HDAC8: variants seen among roughly 807,000 people sequenced by gnomAD.
HDAC8 encodes histone deacetylase 8.
In HDAC8, 1 loss-of-function variant was observed where a neutral mutation model predicts 32.2. The observed-to-expected ratio is 0.03, with a 90% CI of 0.01 to 0.15. HDAC8 has a LOEUF of 0.15. Among genes scored for constraint, HDAC8 ranks in the 10% least tolerant of loss-of-function variants. The pLI, the probability that HDAC8 is intolerant of heterozygous loss-of-function variation, is 1.00. For synonymous variants in HDAC8, 108 were observed against 113.9 expected, an observed-to-expected ratio of 0.95 and a Z score of 0.33; for missense variants, 117 against 300.0, an observed-to-expected ratio of 0.39 and a Z score of 4.51.
At chrX:72,376,144 A>G (rs1487910795) in intron 9 of HDAC8, among the ~76,000 whole-genome samples, 4 of 110,640 alleles carry the variant, frequency 3.6e-5, no homozygotes, top group African/African-American at 1.3e-4. Flanking sequence ...CCTGAGCTCA[A>G]GCGATCCTCA....
At chrX:72,425,102 T>C (rs2046600352) in intron 9 of HDAC8, among the ~76,000 whole-genome samples, 1 of 112,094 alleles carries the variant, frequency 8.9e-6, no homozygotes, top group African/African-American at 3.2e-5. Flanking sequence ...GGTAATTCTA[T>C]GTTTAACTTT....
chrX:72,495,330 C>CCAAGGTTAGATCTTTA (rs2048988571), intron 4 of HDAC8, 62 bp from the exon 5 acceptor site: 1 of 721,789 alleles, frequency 1.4e-6, no homozygotes. Context: ...GTCTTTACAG[C>CCAAGGTTAGATCTTTA]CAAGGATCTA....
chrX:72,331,338 A>C (rs1335508158), intron 10 of HDAC8, among the ~76,000 whole-genome samples: 1 of 111,443 alleles, frequency 9.0e-6, no homozygotes, highest in Non-Finnish European at 1.9e-5. Context: ...GACAGAGAGG[A>C]GTTCCATAAC....
chrX:72,513,181 T>G (rs1603135999), intron 4 of HDAC8, among the ~76,000 whole-genome samples: 2 of 112,078 alleles, frequency 1.8e-5, no homozygotes, highest in Admixed American at 1.9e-4. Context: ...ACCATAGTAC[T>G]TCTCAAACTA....
chrX:72,366,895 C>T (rs1016335783), intron 9 of HDAC8, among the ~76,000 whole-genome samples: 1 of 112,018 alleles, frequency 8.9e-6, no homozygotes, highest in Non-Finnish European at 1.9e-5. Flanking sequence ...TTCTGAGCAG[C>T]CCCTTTTTGT....
rs371676935 is a variant in HDAC8 at position 72,568,044 on chromosome X, T to C, written c.296-14A>G. On this transcript the variant is annotated splice_polypyrimidine_tract_variant and intron_variant, in intron 3 of 10. Transcript: ENST00000373573. Reference sequence around the variant, plus strand: ...GGCAGTCATAACCTTAGGGCAAAAATCAGAAGAGCTGGTTAAAAGGTGAAC... The same window carrying C: ...GGCAGTCATAACCTTAGGGCAAAAACCAGAAGAGCTGGTTAAAAGGTGAAC... 6.7e-6 allele frequency: 8 copies of C among 1,199,555 alleles called. No individual in the cohort carries two copies. The highest frequency in any genetic ancestry group is 9.0e-6 in the Non-Finnish European group (8 of 887,022).
At chrX:72,535,051 G>A (rs1322104125) in intron 4 of HDAC8, among the ~76,000 whole-genome samples, 2 of 111,799 alleles carry the variant, frequency 1.8e-5, no homozygotes, top group African/African-American at 6.5e-5. Context: ...CCCTACCCAA[G>A]CCTGTAGCTT....
chrX:72,402,143 G>A (rs1302428722), intron 9 of HDAC8, among the ~76,000 whole-genome samples: 1 of 111,185 alleles, frequency 9.0e-6, no homozygotes, highest in African/African-American at 3.3e-5. Flanking sequence ...ATTTGTTCAC[G>A]TACAATTGTT....
chrX:72,498,646 A>G (rs2049109175), intron 4 of HDAC8, among the ~76,000 whole-genome samples: 1 of 111,604 alleles, frequency 9.0e-6, no homozygotes, highest in Non-Finnish European at 1.9e-5. Context: ...TCTTTACTTG[A>G]TGTTCTTGAT....
chrX:72,542,016 C>A (rs2050722197), intron 4 of HDAC8, among the ~76,000 whole-genome samples: 1 of 111,965 alleles, frequency 8.9e-6, no homozygotes, highest in Non-Finnish European at 1.9e-5. Flanking sequence ...ATATTTCCAT[C>A]TACTTAACAA....
chrX:72,549,011 G>A (rs1427077533), intron 4 of HDAC8, among the ~76,000 whole-genome samples: 3 of 111,604 alleles, frequency 2.7e-5, no homozygotes, highest in African/African-American at 9.8e-5. Context: ...ATGTACTGTG[G>A]TACATTGGAG....
intron 9 of HDAC8, among the ~76,000 whole-genome samples, chrX:72,408,752 A>G (rs2046113752): frequency 8.9e-6 from 1 of 111,747 alleles, no homozygotes. Context: ...GTAAAATATG[A>G]AAGTGGGGGT....
At chrX:72,550,008 C>G (rs1028428656) in intron 4 of HDAC8, among the ~76,000 whole-genome samples, 30 of 112,014 alleles carry the variant, frequency 2.7e-4, no homozygotes, top group African/African-American at 9.7e-4. Flanking sequence ...TTCTCACTGT[C>G]TAAAGCTGAA....
intron 4 of HDAC8, among the ~76,000 whole-genome samples, chrX:72,564,429 GT>G (rs2051704953): frequency 8.9e-6 from 1 of 112,255 alleles, no homozygotes; most frequent in Non-Finnish European, 1.9e-5. Flanking sequence ...AGTTATTTTG[GT>G]TTTAAAATTT....
rs187161993 is a variant in HDAC8 at position 72,333,014 on chromosome X, T to C, written c.1112-2938A>G. 8.3e-4 allele frequency among the ~76,000 whole-genome samples: 93 copies of C among 112,299 alleles called. 1 individual carries two copies. The East Asian group carries it at 0.022, about 27-fold the overall frequency. On this transcript the variant is annotated intron_variant, in intron 10 of 10. Transcript: ENST00000373573. ...ATGATTTGCAAATATCTTATCTCAG[T>C]ATGTAACTTATCTTTTCATTCCCTT...
At chrX:72,559,463 C>T (rs1457048143) in intron 4 of HDAC8, among the ~76,000 whole-genome samples, 3 of 110,593 alleles carry the variant, frequency 2.7e-5, no homozygotes, top group Non-Finnish European at 3.8e-5. Flanking sequence ...CCCAAAGTGC[C>T]GAGATTGCAG....
chrX:72,543,614 A>C (rs782501074), intron 4 of HDAC8, among the ~76,000 whole-genome samples: 2 of 112,241 alleles, frequency 1.8e-5, no homozygotes, highest in East Asian at 5.6e-4. Flanking sequence ...AGAAATCATA[A>C]AGGCATACTA....
intron 4 of HDAC8, among the ~76,000 whole-genome samples, chrX:72,563,832 C>T (rs1556126996): frequency 8.9e-6 from 1 of 111,779 alleles, no homozygotes. Context: ...CCAAACCACA[C>T]TCACTAGGAA....
chrX:72,441,144 G>A (rs1379503324), intron 9 of HDAC8, among the ~76,000 whole-genome samples: 1 of 112,964 alleles, frequency 8.9e-6, no homozygotes, highest in African/African-American at 3.2e-5. Context: ...AACCTCTGCA[G>A]ACTTAAATGT....
Sources: allele counts gnomAD v4.1 joint callset (sites outside exome capture counted in the v4.1 genomes callset), GRCh38; gene constraint gnomAD v4.1.1; transcripts MANE v1.5; gene names NCBI Gene and HGNC (gene_info 2026-07-23, HGNC 2026-07-21).